Variants in ADPRHL1 observed in about 807,000 individuals in gnomAD.
The protein encoded by ADPRHL1 is inactive ADP-ribosyltransferase ARH2.
ADPRHL1 carries 43 observed loss-of-function variants against 44.1 expected under a neutral mutation model. That is an observed-to-expected ratio of 0.98 (90% confidence interval 0.76 to 1.26). ADPRHL1 has a LOEUF of 1.26. Ranked by LOEUF, ADPRHL1 falls within the 50% of genes most tolerant of loss-of-function variation. ADPRHL1 has a pLI of 0.00. For missense variants in ADPRHL1, 2,022 were observed against 2,496.9 expected (o/e 0.81, Z 4.05); for synonymous variants, 878 against 1,017.4 (o/e 0.86, Z 2.61).
At chr13:113,434,224 C>A (rs2044029384) in intron 2 of ADPRHL1, among the ~76,000 whole-genome samples, 1 of 152,114 alleles carries the variant, frequency 6.6e-6, no homozygotes, top group African/African-American at 2.4e-5. Flanking sequence ...ACATGCACGA[C>A]CCTAAGATTT....
Position 113,444,373 on chromosome 13 carries a change from G to A in ADPRHL1, c.379+52C>T, listed in dbSNP as rs185858041. On this transcript the variant is annotated intron_variant, in intron 2 of 7. Transcript: ENST00000612156. ...TAGTGGAAGGCAGATGGTTAGGACC[G>A]CAGGGTCCCCAGCAGGGTGGCTTTA... 201 of 1,588,694 alleles carry A rather than the reference G, an allele frequency of 1.3e-4. 1 individual carries two copies. The East Asian group carries it at 2.7e-3, about 21-fold the overall frequency.
At chr13:113,419,844 GAAAT>G (rs1278354046) in intron 7 of ADPRHL1, among the ~76,000 whole-genome samples, 2 of 152,238 alleles carry the variant, frequency 1.3e-5, no homozygotes, top group African/African-American at 4.8e-5. Context: ...TTTGGGGAAA[GAAAT>G]AGTGTGTGTG....
chr13:113,408,034 C>A lies in ADPRHL1; in HGVS notation c.1248G>T (p.Gln416His). 1.6e-6 allele frequency: 2 copies of A among 1,232,844 alleles called. No homozygotes were observed. Among genetic ancestry groups the A allele is most frequent in the Non-Finnish European group, 2.0e-6 (2 of 988,672 alleles). The allele number at this position is 1,232,844 out of a possible 1,614,324, so 76.4% of individuals were successfully genotyped here. A position where few individuals can be genotyped will look rare whatever the true frequency, so the allele number is the denominator to read the frequency against. Reference protein sequence around the residue: ...TEAGGSRPSHQPQTQEATQRP... With the variant: ...TEAGGSRPSHHPQTQEATQRP... Reference sequence around the variant, plus strand: ...GCTGGGTGGCCTCCTGGGTCTGGGGCTGGTGGCTGGGCCTGCTCCCCCCGG... The same window carrying A: ...GCTGGGTGGCCTCCTGGGTCTGGGGATGGTGGCTGGGCCTGCTCCCCCCGG... The change falls in exon 8 of 8, where the codon CAG becomes CAT. Residue 416 changes from glutamine to histidine, a missense_variant. Gln to His is a conservative substitution (Grantham distance 24). Coordinates refer to ENST00000612156, the MANE Select transcript of ADPRHL1 (RefSeq NM_001394807.1).
chr13:113,434,141 T>G (rs1358064287), intron 2 of ADPRHL1, among the ~76,000 whole-genome samples: 1 of 152,206 alleles, frequency 6.6e-6, no homozygotes, highest in East Asian at 1.9e-4. Flanking sequence ...CAGCATGCTT[T>G]CAACGAGATG....
In ADPRHL1 at chr13:113,453,383, A is replaced by T. The variant is rs1442292928; in HGVS notation, c.55T>A (p.Tyr19Asn). ...CTGTTCTCCTTGCAGACATTTCTGTAGCCAAGAGCATCGCCGACGCTCCCC... is the reference window on the plus strand; with the variant it reads ...CTGTTCTCCTTGCAGACATTTCTGTTGCCAAGAGCATCGCCGACGCTCCCC... ...LLGSVGDALG[Y>N]RNVCKENSTV... Residue 19 changes from tyrosine to asparagine, a missense_variant, in exon 1 of 8, where the codon TAC (tyrosine) becomes AAC (asparagine). Transcript: ENST00000612156. This position sits in a 1 kb window ranked among gnomAD's most constrained non-coding sequence, Gnocchi z 5.4. 6.2e-7 allele frequency: 1 copy of T among 1,614,190 alleles called. No homozygotes were observed. Among genetic ancestry groups the T allele is most frequent in the South Asian group, 1.1e-5 (1 of 91,084 alleles).
At position 113,407,422 on chromosome 13, in the gene ADPRHL1, G is replaced by A. The variant is rs1428558481; in HGVS notation, c.1860C>T (p.Ala620=). 2 of 1,231,884 alleles carry A rather than the reference G, an allele frequency of 1.6e-6. No individual in the cohort carries two copies. Among genetic ancestry groups the A allele is most frequent in the South Asian group, 4.1e-5 (1 of 24,320 alleles). The allele number at this position is 1,231,884 out of a possible 1,614,324, so 76.3% of individuals were successfully genotyped here. ...CACAGACGACGGTGGCGATGCTGAGGGCCGGCAGGGGCTCAGCCGTGCAGG... is the reference window on the plus strand; with the variant it reads ...CACAGACGACGGTGGCGATGCTGAGAGCCGGCAGGGGCTCAGCCGTGCAGG... The part of the protein sequence containing the change: ...FLACTAEPLP[A]LSIATVVCGP... Residue 620 remains alanine, a synonymous_variant, in exon 8 of 8, where the codon GCC becomes GCT. Transcript: ENST00000612156.
At chr13:113,417,346 T>C (rs2043892068) in intron 7 of ADPRHL1, among the ~76,000 whole-genome samples, 1 of 152,142 alleles carries the variant, frequency 6.6e-6, no homozygotes, top group South Asian at 2.1e-4. Flanking sequence ...CTTCTCAGGG[T>C]ACAAGGAGGA....
intron 7 of ADPRHL1, chr13:113,422,539 T>A (rs1386681857): frequency 1.6e-5 from 7 of 435,174 alleles, no homozygotes; most frequent in Non-Finnish European, 2.5e-5. Flanking sequence ...ACAGCGCCTG[T>A]CCAGGAGACT....
chr13:113,422,701 G>C, intron 7 of ADPRHL1, 125 bp downstream of exon 7: 1 of 1,196,090 alleles, frequency 8.4e-7, no homozygotes, highest in Non-Finnish European at 1.2e-6. Flanking sequence ...GTTAGATGTG[G>C]CCAGTCAGGC....
rs983281552 is a variant in ADPRHL1, at chr13:113,441,884, CCT to C, written c.379+2539_379+2540del. On this transcript the variant is annotated intron_variant, in intron 2 of 7. Transcript: ENST00000612156. The surrounding 1 kb of genome is among the most constrained non-coding windows in gnomAD (Gnocchi z 6.0). ...TGTCACTATCACACTCTGTCCCCAC[CCT>C]GTGTGTGAGTCTGTGTCTCTATCAC... Among the ~76,000 whole-genome samples the C allele has an allele frequency of 7.2e-5, 11 of 152,258 alleles. No individual in the cohort carries two copies. The highest frequency in any genetic ancestry group is 5.9e-5 in the Non-Finnish European group (4 of 68,012).
chr13:113,416,723 T>C (rs1422940460), intron 7 of ADPRHL1, among the ~76,000 whole-genome samples: 1 of 152,192 alleles, frequency 6.6e-6, no homozygotes, highest in Non-Finnish European at 1.5e-5. Context: ...CAGGATGCTG[T>C]TATGTTGGAT....
intron 2 of ADPRHL1, among the ~76,000 whole-genome samples, chr13:113,438,699 T>C (rs1344884901): frequency 1.3e-5 from 2 of 152,120 alleles, no homozygotes; most frequent in Admixed American, 1.3e-4. Flanking sequence ...AAATTTCTTT[T>C]TTATAATAGA....
chr13:113,436,940 G>C (rs1212918796), intron 2 of ADPRHL1, among the ~76,000 whole-genome samples: 2 of 146,262 alleles, frequency 1.4e-5, no homozygotes, highest in Non-Finnish European at 3.0e-5. Flanking sequence ...GGTGTACCCC[G>C]GGACCCAGCA....
chr13:113,449,055 G>A lies in ADPRHL1; in HGVS notation c.214+4169C>T, dbSNP rs755376360. 1.1e-4 allele frequency: 110 copies of A among 986,966 alleles called. No individual in the cohort carries two copies. In the African/African-American group the frequency reaches 1.5e-3, roughly 14 times the overall value. The allele number at this position is 986,966 out of a possible 1,614,324, so 61.1% of individuals were successfully genotyped here. A position where few individuals can be genotyped will look rare whatever the true frequency, so the allele number is the denominator to read the frequency against. ...AATGCGCTGGCAACATGGGCTTGTC[G>A]TTTCAGGGCCATGGATGCCACCTCT... On this transcript the variant is annotated intron_variant, in intron 1 of 7. Coordinates refer to ENST00000612156, the MANE Select transcript of ADPRHL1 (RefSeq NM_001394807.1).
chr13:113,436,315 C>A (rs1161885887), intron 2 of ADPRHL1, among the ~76,000 whole-genome samples: 1 of 145,312 alleles, frequency 6.9e-6, no homozygotes, highest in Non-Finnish European at 1.5e-5. Flanking sequence ...ACCCTGTGAC[C>A]CAGCACCCAC....
At position 113,409,599 on chromosome 13, in the gene ADPRHL1, C is replaced by A; in HGVS notation, c.1062-1379G>T. 1 of 985,360 alleles carries A rather than the reference C, an allele frequency of 1.0e-6. No individual in the cohort carries two copies. Among genetic ancestry groups the A allele is most frequent in the Non-Finnish European group, 1.2e-6 (1 of 829,922 alleles). 61.0% of individuals were successfully genotyped at this position (985,360 alleles called of 1,614,324 possible). ...CTCTAACCCGATTGTTTTTAAGAAG[C>A]TGAGGCCGGGCGCCGTGGCTCACGC... On this transcript the variant is annotated intron_variant, in intron 7 of 7. Coordinates refer to ENST00000612156, the MANE Select transcript of ADPRHL1 (RefSeq NM_001394807.1). The surrounding 1 kb of genome is among the most constrained non-coding windows in gnomAD (Gnocchi z 4.2).
Position 113,452,384 on chromosome 13 carries a change from C to T in ADPRHL1, c.214+840G>A, listed in dbSNP as rs1051261817. ...TGTGAGCACAGAACTAAACTGGGCA[C>T]GTCCATGGCAGATGAACAGAATGGT... On this transcript the variant is annotated intron_variant, in intron 1 of 7. Coordinates refer to ENST00000612156, the MANE Select transcript of ADPRHL1 (RefSeq NM_001394807.1). 3.3e-5 allele frequency among the ~76,000 whole-genome samples: 5 copies of T among 152,156 alleles called. No homozygotes were observed. The South Asian group carries it at 8.3e-4, about 25-fold the overall frequency.
rs553523461 is a variant in ADPRHL1, at chr13:113,409,814, A to G, written c.1062-1594T>C. 5.0e-5 allele frequency: 37 copies of G among 734,408 alleles called. No homozygotes were observed. Among genetic ancestry groups the G allele is most frequent in the South Asian group, 6.2e-5 (1 of 16,194 alleles). The allele number at this position is 734,408 out of a possible 1,614,324, so 45.5% of individuals were successfully genotyped here. On this transcript the variant is annotated intron_variant, in intron 7 of 7. Transcript: ENST00000612156. This position sits in a 1 kb window ranked among gnomAD's most constrained non-coding sequence, Gnocchi z 4.2. ...TGAGGCAGGCGAATGGCGTGAACCC[A>G]GGAGGCAGAGCTTGCAGTGAGCCGA...
intron 6 of ADPRHL1, 23 bp from the exon 7 acceptor site, chr13:113,423,002 G>A (rs201966140): frequency 1.8e-5 from 29 of 1,612,344 alleles, no homozygotes; most frequent in Non-Finnish European, 2.2e-5. Flanking sequence ...GGCAGCAGTT[G>A]CAGTGGGCTC....
Sources: gnomAD v4.1 joint callset for allele counts (sites outside exome capture counted in the v4.1 genomes callset) on GRCh38, gnomAD v4.1.1 for gene constraint, Gnocchi (gnomAD v3.1) non-coding constraint, MANE v1.5 for transcripts, NCBI Gene and HGNC (gene_info 2026-07-23, HGNC 2026-07-21) for gene names.